Variants in ADGRB3 observed in about 807,000 individuals in gnomAD.
ADGRB3 encodes the protein adhesion G protein-coupled receptor B3, also known as brain-specific angiogenesis inhibitor 3.
ADGRB3 carries 37 observed loss-of-function variants against 193.4 expected under a neutral mutation model. The observed-to-expected ratio is 0.19, with a 90% CI of 0.15 to 0.25. The LOEUF is 0.25. Ranked by LOEUF, ADGRB3 falls within the 10% of genes least tolerant of loss-of-function variation. The probability of loss-of-function intolerance (pLI) is 1.00; values close to 1 mark genes in which losing one functional copy is unlikely to be tolerated. For missense variants in ADGRB3, 1,637 were observed against 1,852.9 expected (o/e 0.88, Z 2.14); for synonymous variants, 690 against 644.2 (o/e 1.07, Z -1.08).
chr6:68,971,120 C>T lies in ADGRB3; in HGVS notation c.1526-3643C>T, dbSNP rs577392803. On this transcript the variant is annotated intron_variant, in intron 8 of 31. Coordinates refer to ENST00000370598, the MANE Select transcript of ADGRB3 (RefSeq NM_001704.3). ...AACCAAAGAAACACATATAGTTGGC[C>T]GTCAGTATTCATGGGTTTCATCTCT... 2.6e-5 allele frequency among the ~76,000 whole-genome samples: 4 copies of T among 152,204 alleles called. No individual in the cohort carries two copies. The South Asian group carries it at 6.2e-4, about 24-fold the overall frequency.
intron 3 of ADGRB3, among the ~76,000 whole-genome samples, chr6:68,738,183 G>A (rs1765908518): frequency 6.6e-6 from 1 of 152,100 alleles, no homozygotes; most frequent in African/African-American, 2.4e-5. Context: ...CTGGGAATTT[G>A]GAGGAAATGC....
At position 69,177,888 on chromosome 6, in the gene ADGRB3, G is replaced by T. The variant is rs536527356; in HGVS notation, c.2481-55402G>T. ...GCCAATCTTGGAATATGGTCCATGT[G>T]CAGATGAGGAAAATGTATATTCTCT... On this transcript the variant is annotated intron_variant, in intron 17 of 31. Transcript: ENST00000370598. Among the ~76,000 whole-genome samples, 94 of 152,230 alleles carry T rather than the reference G, an allele frequency of 6.2e-4. 1 individual carries two copies. The highest frequency in any genetic ancestry group is 1.2e-3 in the Non-Finnish European group (80 of 68,016).
chr6:69,209,456 C>T (rs1765608329), intron 17 of ADGRB3, among the ~76,000 whole-genome samples: 1 of 152,208 alleles, frequency 6.6e-6, no homozygotes, highest in Non-Finnish European at 1.5e-5. Flanking sequence ...TATTTCCCAT[C>T]CTCTGGCACC....
intron 30 of ADGRB3, among the ~76,000 whole-genome samples, chr6:69,379,351 A>G (rs1769897684): frequency 6.6e-6 from 1 of 152,032 alleles, no homozygotes; most frequent in African/African-American, 2.4e-5. Flanking sequence ...AGGCAATCAG[A>G]TAAACCCTAA....
intron 3 of ADGRB3, among the ~76,000 whole-genome samples, chr6:68,712,572 G>A (rs1765423622): frequency 1.3e-5 from 2 of 151,768 alleles, no homozygotes; most frequent in Admixed American, 1.3e-4. Flanking sequence ...TGAAAAAAGG[G>A]ACAGAAAAAA....
intron 3 of ADGRB3, among the ~76,000 whole-genome samples, chr6:68,854,752 A>G (rs916454568): frequency 6.6e-6 from 1 of 152,024 alleles, no homozygotes; most frequent in Non-Finnish European, 1.5e-5. Flanking sequence ...TGCACCTCTG[A>G]CTCTAGGGCA....
chr6:69,032,070 C>T (rs1462497185), intron 13 of ADGRB3, among the ~76,000 whole-genome samples: 1 of 152,084 alleles, frequency 6.6e-6, no homozygotes, highest in African/African-American at 2.4e-5. Context: ...CTTCAGAGGA[C>T]TTTAACTAGG....
chr6:68,883,570 A>C (rs1419014461), intron 3 of ADGRB3, among the ~76,000 whole-genome samples: 2 of 152,100 alleles, frequency 1.3e-5, no homozygotes, highest in Non-Finnish European at 2.9e-5. Flanking sequence ...GAGACCACGA[A>C]CTCACTGGGA....
chr6:69,175,939 A>G (rs1205549093), intron 17 of ADGRB3, among the ~76,000 whole-genome samples: 1 of 152,130 alleles, frequency 6.6e-6, no homozygotes, highest in African/African-American at 2.4e-5. Context: ...TAACATGGCA[A>G]TACAAGTTAT....
chr6:68,929,103 A>C (rs1767265714), intron 3 of ADGRB3, among the ~76,000 whole-genome samples: 1 of 152,198 alleles, frequency 6.6e-6, no homozygotes, highest in Admixed American at 6.6e-5. Flanking sequence ...GTTGGCGGTA[A>C]TGGAAAATAG....
At position 68,954,167 on chromosome 6, in the gene ADGRB3, C is replaced by T. The variant is rs184857247; in HGVS notation, c.1196-1857C>T. On this transcript the variant is annotated intron_variant, in intron 6 of 31. Coordinates refer to ENST00000370598, the MANE Select transcript of ADGRB3 (RefSeq NM_001704.3). ...ATCCCCAGTAGATGCAGTATGTCCT[C>T]TGAAAGCCTAAATACTTCATGTTTC... 2.0e-3 allele frequency among the ~76,000 whole-genome samples: 303 copies of T among 152,254 alleles called. 1 individual carries two copies. The highest frequency in any genetic ancestry group is 7.1e-3 in the African/African-American group (296 of 41,544).
At chr6:69,028,157 T>C (rs555844183) in intron 13 of ADGRB3, among the ~76,000 whole-genome samples, 1 of 152,240 alleles carries the variant, frequency 6.6e-6, no homozygotes, top group African/African-American at 2.4e-5. Context: ...TTAAAATGAC[T>C]TTGTAACTCA....
At chr6:68,870,956 C>A (rs1765439046) in intron 3 of ADGRB3, among the ~76,000 whole-genome samples, 1 of 152,170 alleles carries the variant, frequency 6.6e-6, no homozygotes, top group African/African-American at 2.4e-5. Flanking sequence ...AATCTAGCTT[C>A]TGCTTATAGA....
At chr6:69,307,595 C>T (rs1768093966) in intron 20 of ADGRB3, among the ~76,000 whole-genome samples, 1 of 151,520 alleles carries the variant, frequency 6.6e-6, no homozygotes, top group Admixed American at 6.6e-5. Flanking sequence ...CTTGATTTAC[C>T]TGTTTCTCTG....
intron 3 of ADGRB3, among the ~76,000 whole-genome samples, chr6:68,821,420 G>A (rs1767746255): frequency 6.6e-6 from 1 of 151,776 alleles, no homozygotes; most frequent in African/African-American, 2.4e-5. Context: ...TTATCAAACA[G>A]AATAAGCAAC....
intron 10 of ADGRB3, among the ~76,000 whole-genome samples, chr6:68,985,572 G>A (rs1769047419): frequency 1.3e-5 from 2 of 152,252 alleles, no homozygotes; most frequent in Admixed American, 1.3e-4. Context: ...TGTGCATGGA[G>A]GTGACCATTG....
intron 17 of ADGRB3, among the ~76,000 whole-genome samples, chr6:69,147,165 ATTTCT>A (rs1309116017): frequency 1.3e-5 from 2 of 151,456 alleles, no homozygotes; most frequent in Non-Finnish European, 1.5e-5. Context: ...GATCTTTATT[ATTTCT>A]TTTCTTCTAC....
intron 23 of ADGRB3, chr6:69,331,935 T>A: frequency 1.0e-6 from 1 of 985,372 alleles, no homozygotes; most frequent in African/African-American, 1.7e-5. Flanking sequence ...AGAGTGACTC[T>A]TCCTAAGTCC....
intron 17 of ADGRB3, among the ~76,000 whole-genome samples, chr6:69,197,358 G>A (rs117280954): frequency 0.026 from 3,974 of 151,906 alleles, 75 homozygotes; most frequent in Middle Eastern, 0.062. Flanking sequence ...TATAGTAACA[G>A]GATTTATGTT....
Sources: allele counts gnomAD v4.1 joint callset (sites outside exome capture counted in the v4.1 genomes callset), GRCh38; gene constraint gnomAD v4.1.1; transcripts MANE v1.5; gene names NCBI Gene and HGNC (gene_info 2026-07-23, HGNC 2026-07-21).